The following MDN1 variants were observed in gnomAD, a reference collection of about 807,000 sequenced individuals.
MDN1 encodes midasin AAA ATPase 1.
MDN1 carries 266 observed loss-of-function variants against 669.2 expected under a neutral mutation model. That is an observed-to-expected ratio of 0.40 (90% CI 0.36 to 0.44). The LOEUF (loss-of-function observed/expected upper bound fraction) is 0.44. Among genes scored for constraint, MDN1 ranks in the 20% least tolerant of loss-of-function variants. MDN1 has a pLI of 1.00. For synonymous variants in MDN1, 2,385 were observed against 2,457.1 expected (o/e 0.97, Z 0.87); for missense variants, 5,940 against 6,754.0 (o/e 0.88, Z 4.22).
chr6:89,727,108 T>C (rs1040504524), intron 37 of MDN1, among the ~76,000 whole-genome samples: 1 of 151,998 alleles, frequency 6.6e-6, no homozygotes, highest in African/African-American at 2.4e-5. Context: ...TGGAAAAAAA[T>C]TCCCTCTCCT....
At chr6:89,671,675 G>C (rs1423404995) in intron 82 of MDN1, among the ~76,000 whole-genome samples, 1 of 152,158 alleles carries the variant, frequency 6.6e-6, no homozygotes, top group Non-Finnish European at 1.5e-5. Flanking sequence ...AACAGAATGA[G>C]ACCGTGTCCC....
At chr6:89,707,628 A>G (rs1813602969) in intron 51 of MDN1, 152 bp from the exon 52 acceptor site, 2 of 634,402 alleles carry the variant, frequency 3.2e-6, no homozygotes, top group Non-Finnish European at 5.6e-6. Context: ...AGAGATGGAG[A>G]TGAAAGTGAC....
Position 89,790,149 on chromosome 6 carries a change from T to C in MDN1, c.1098+10A>G, listed in dbSNP as rs759589800. ...TGACAAGCCACCAAAACTTAACATT[T>C]CCTTATTACCTTACTGTCAGTCTGA... On this transcript the variant is annotated intron_variant, in intron 6 of 101. Coordinates refer to ENST00000369393, the MANE Select transcript of MDN1 (RefSeq NM_014611.3). 2.5e-6 allele frequency: 4 copies of C among 1,613,508 alleles called. No individual in the cohort carries two copies. The African/African-American group carries it at 4.0e-5, about 16-fold the overall frequency.
chr6:89,694,472 A>G (rs774843360), intron 61 of MDN1, among the ~76,000 whole-genome samples: 2 of 152,250 alleles, frequency 1.3e-5, no homozygotes, highest in Non-Finnish European at 2.9e-5. Flanking sequence ...CTAACATACC[A>G]TCATCTTAAT....
intron 26 of MDN1, among the ~76,000 whole-genome samples, chr6:89,747,962 C>CAA (rs1429637106): frequency 6.7e-6 from 1 of 148,994 alleles, no homozygotes; most frequent in Non-Finnish European, 1.5e-5. Flanking sequence ...GAAAAATGTT[C>CAA]AAATTCATGT....
rs1457453225 is a variant in MDN1, at chr6:89,809,934, T to G, written c.103-6380A>C. 6.1e-5 allele frequency among the ~76,000 whole-genome samples: 8 copies of G among 130,174 alleles called. No homozygotes were observed. In the Admixed American group the frequency reaches 7.8e-4, roughly 13 times the overall value. The allele number at this position is 130,174 out of a possible 152,430, so 85.4% of individuals were successfully genotyped here. On this transcript the variant is annotated intron_variant, in intron 1 of 101. Transcript: ENST00000369393. ...TGAGCCTGGAAGGTAGAGGCTGCAG[T>G]GAGCCATGATTGTACCACTATACCC...
At chr6:89,788,049 A>T in intron 7 of MDN1, 92 bp from the exon 8 acceptor site, 2 of 1,116,736 alleles carry the variant, frequency 1.8e-6, no homozygotes, top group Non-Finnish European at 2.6e-6. Flanking sequence ...AATGACAGAC[A>T]CACCCTTAAA....
intron 33 of MDN1, among the ~76,000 whole-genome samples, chr6:89,736,345 G>A (rs1330550224): frequency 6.6e-6 from 1 of 152,202 alleles, no homozygotes; most frequent in Non-Finnish European, 1.5e-5. Flanking sequence ...AGCAAGCATG[G>A]TCGTGACAGC....
chr6:89,743,382 GA>G, intron 30 of MDN1, 102 bp from the exon 31 acceptor site: 1 of 1,469,440 alleles, frequency 6.8e-7, no homozygotes, highest in East Asian at 2.3e-5. Context: ...GCATTCTGAG[GA>G]AAGTAAGAAT....
intron 48 of MDN1, 99 bp downstream of exon 48, chr6:89,712,476 C>T: frequency 8.2e-7 from 1 of 1,223,292 alleles, no homozygotes; most frequent in Non-Finnish European, 1.2e-6. Flanking sequence ...AATAAATGGC[C>T]ACAGAATGCT....
rs941197003 is a variant in MDN1, at chr6:89,761,522, CTT to C, written c.2460+121_2460+122del. The stretch of plus-strand genomic sequence containing the variant: ...ATTGCCATAATTACCATGAAGGACA[CTT>C]TTCAAAATCTTCCCCCAAAATCATT... On this transcript the variant is annotated intron_variant, in intron 17 of 101. Coordinates refer to ENST00000369393, the MANE Select transcript of MDN1 (RefSeq NM_014611.3). The C allele has an allele frequency of 2.1e-5, 12 of 583,116 alleles. No individual in the cohort carries two copies. The South Asian group carries it at 2.8e-4, about 14-fold the overall frequency. The allele number at this position is 583,116 out of a possible 1,614,324, so 36.1% of individuals were successfully genotyped here. A position where few individuals can be genotyped will look rare whatever the true frequency, so the allele number is the denominator to read the frequency against.
intron 8 of MDN1, 25 bp from the exon 9 acceptor site, chr6:89,785,151 G>A (rs1562216793): frequency 8.3e-6 from 13 of 1,566,338 alleles, no homozygotes; most frequent in Non-Finnish European, 1.1e-5. Flanking sequence ...AAAAAACACA[G>A]TCACACAAAA....
At chr6:89,650,244 C>T (rs1808757950) in intron 96 of MDN1, 46 bp from the exon 97 acceptor site, 2 of 1,566,808 alleles carry the variant, frequency 1.3e-6, no homozygotes, top group Non-Finnish European at 8.7e-7. Context: ...ACTTTTAATT[C>T]CTGAGAATTT....
chr6:89,715,644 T>C lies in MDN1; in HGVS notation c.6860+9A>G, dbSNP rs200654290. On this transcript the variant is annotated intron_variant, in intron 45 of 101. Coordinates refer to ENST00000369393, the MANE Select transcript of MDN1 (RefSeq NM_014611.3). ...GATTCTGAGGCAGAAATGTAAGAGA[T>C]ACAAATACCTGAAATTGGGATTTGG... 9 of 1,541,198 alleles carry C rather than the reference T, an allele frequency of 5.8e-6. No individual in the cohort carries two copies. Among genetic ancestry groups the C allele is most frequent in the African/African-American group, 1.4e-5 (1 of 73,464 alleles).
rs1266379979 is a variant in MDN1 at position 89,686,751 on chromosome 6, G to A, written c.11572+151C>T. ...AGCACGATTTACAGTTTTCTTGGCT[G>A]ACCTCTCAGAAATATCATGAAGTCA... is the stretch of plus-strand genomic sequence containing the variant. On this transcript the variant is annotated intron_variant, in intron 69 of 101. Coordinates refer to ENST00000369393, the MANE Select transcript of MDN1 (RefSeq NM_014611.3). The A allele has an allele frequency of 6.7e-6, 7 of 1,047,138 alleles. No individual in the cohort carries two copies. In the South Asian group the frequency reaches 1.1e-4, roughly 17 times the overall value. The allele number at this position is 1,047,138 out of a possible 1,614,324, so 64.9% of individuals were successfully genotyped here.
At chr6:89,748,197 A>G (rs1816764023) in intron 26 of MDN1, among the ~76,000 whole-genome samples, 1 of 151,858 alleles carries the variant, frequency 6.6e-6, no homozygotes, top group African/African-American at 2.4e-5. Flanking sequence ...CTGGTGGTGC[A>G]CGCCTATAGT....
At chr6:89,717,083 A>C (rs1037233184) in intron 43 of MDN1, among the ~76,000 whole-genome samples, 2 of 152,234 alleles carry the variant, frequency 1.3e-5, no homozygotes, top group Non-Finnish European at 2.9e-5. Flanking sequence ...ACGGTTTCTC[A>C]AATGGCAGAA....
chr6:89,788,473 G>GT (rs556826159), intron 7 of MDN1, among the ~76,000 whole-genome samples: 93 of 152,138 alleles, frequency 6.1e-4, no homozygotes, highest in Non-Finnish European at 1.1e-3. Flanking sequence ...GTATGCAAGT[G>GT]TATTTTTAAA....
chr6:89,787,505 T>C (rs755638433), intron 8 of MDN1, among the ~76,000 whole-genome samples: 33 of 152,206 alleles, frequency 2.2e-4, no homozygotes, highest in Admixed American at 4.6e-4. Flanking sequence ...AAGGTATTAT[T>C]AACCCCATCA....
Sources: allele counts gnomAD v4.1 joint callset (sites outside exome capture counted in the v4.1 genomes callset), GRCh38; gene constraint gnomAD v4.1.1; transcripts MANE v1.5; gene names NCBI Gene and HGNC (gene_info 2026-07-23, HGNC 2026-07-21).